Variants in EPHA3 observed in about 807,000 individuals in gnomAD.
EPHA3 encodes the protein ephrin type-A receptor 3.
EPHA3 carries 42 observed loss-of-function variants against 107.1 expected under a neutral mutation model. The ratio of observed to expected loss-of-function variants is 0.39; its 90% confidence interval spans 0.31 to 0.51. The LOEUF is 0.51. Among genes scored for constraint, EPHA3 ranks in the 20% least tolerant of loss-of-function variants. The pLI, the probability that EPHA3 is intolerant of heterozygous loss-of-function variation, is 0.78. For synonymous variants in EPHA3, 461 were observed against 424.8 expected (o/e 1.09, Z -1.05); for missense variants, 1,183 against 1,211.2 (o/e 0.98, Z 0.35).
intron 3 of EPHA3, among the ~76,000 whole-genome samples, chr3:89,300,206 G>A (rs2107344406): frequency 6.6e-6 from 1 of 151,674 alleles, no homozygotes; most frequent in East Asian, 1.9e-4. Context: ...TTACACAATG[G>A]ATTATTATTT....
chr3:89,268,683 AT>A (rs1705593059), intron 3 of EPHA3, among the ~76,000 whole-genome samples: 1 of 151,996 alleles, frequency 6.6e-6, no homozygotes, highest in African/African-American at 2.4e-5. Flanking sequence ...TTAACTGCTG[AT>A]TTTTTAGGAA....
chr3:89,204,497 CA>C (rs1706052048), intron 2 of EPHA3, among the ~76,000 whole-genome samples: 1 of 117,692 alleles, frequency 8.5e-6, no homozygotes, highest in African/African-American at 2.6e-5. Flanking sequence ...CACACACACA[CA>C]CACACACACC....
chr3:89,123,324 G>A (rs1707432143), intron 1 of EPHA3, among the ~76,000 whole-genome samples: 1 of 152,050 alleles, frequency 6.6e-6, no homozygotes, highest in Non-Finnish European at 1.5e-5. Flanking sequence ...TGTATTTTTA[G>A]TAGAGATGAG....
intron 5 of EPHA3, among the ~76,000 whole-genome samples, chr3:89,388,246 A>C (rs573120202): frequency 6.6e-6 from 1 of 152,292 alleles, no homozygotes; most frequent in African/African-American, 2.4e-5. Flanking sequence ...ACTTTATTCC[A>C]AGGCTAACCA....
intron 3 of EPHA3, among the ~76,000 whole-genome samples, chr3:89,335,014 G>A (rs552665525): frequency 1.3e-5 from 2 of 152,306 alleles, no homozygotes; most frequent in South Asian, 4.1e-4. Context: ...TCTCAGGTGA[G>A]AAGATCCATT....
At chr3:89,392,693 C>T (rs1422513130) in intron 5 of EPHA3, among the ~76,000 whole-genome samples, 1 of 151,830 alleles carries the variant, frequency 6.6e-6, no homozygotes, top group Non-Finnish European at 1.5e-5. Flanking sequence ...ATACAGTGTA[C>T]ACTGCAATAT....
intron 3 of EPHA3, among the ~76,000 whole-genome samples, chr3:89,302,864 A>G (rs1706524001): frequency 6.6e-6 from 1 of 152,078 alleles, no homozygotes; most frequent in Non-Finnish European, 1.5e-5. Flanking sequence ...GCATAGTAAC[A>G]TAGTAACACT....
chr3:89,139,214 G>T (rs1020069259), intron 2 of EPHA3, among the ~76,000 whole-genome samples: 2 of 151,822 alleles, frequency 1.3e-5, no homozygotes, highest in African/African-American at 4.8e-5. Flanking sequence ...TGTTTTAAAA[G>T]AATTTTAACC....
chr3:89,213,978 A>G (rs535429305), intron 3 of EPHA3, among the ~76,000 whole-genome samples: 1 of 152,144 alleles, frequency 6.6e-6, no homozygotes, highest in East Asian at 1.9e-4. Context: ...GATAAGTAAT[A>G]AGATAAATAA....
intron 3 of EPHA3, among the ~76,000 whole-genome samples, chr3:89,287,593 G>T (rs1706118827): frequency 6.6e-6 from 1 of 152,156 alleles, no homozygotes; most frequent in Admixed American, 6.6e-5. Flanking sequence ...ATACAGGCAA[G>T]AAGTTAATTA....
At chr3:89,264,483 C>T (rs759143638) in intron 3 of EPHA3, among the ~76,000 whole-genome samples, 31 of 152,234 alleles carry the variant, frequency 2.0e-4, no homozygotes, top group Non-Finnish European at 4.0e-4. Context: ...TCAGTGAAAT[C>T]GTACTCATTT....
At chr3:89,234,171 A>T (rs972350790) in intron 3 of EPHA3, among the ~76,000 whole-genome samples, 1 of 152,224 alleles carries the variant, frequency 6.6e-6, no homozygotes, top group Non-Finnish European at 1.5e-5. Context: ...GATCAATTTA[A>T]TTATACAGAG....
intron 3 of EPHA3, among the ~76,000 whole-genome samples, chr3:89,251,061 T>C (rs1252526596): frequency 1.3e-5 from 2 of 152,310 alleles, no homozygotes; most frequent in East Asian, 3.9e-4. Flanking sequence ...GGTTTAGCCT[T>C]AGATCAAAGC....
At chr3:89,129,494 T>C (rs1704157131) in intron 2 of EPHA3, among the ~76,000 whole-genome samples, 1 of 152,058 alleles carries the variant, frequency 6.6e-6, no homozygotes, top group African/African-American at 2.4e-5. Flanking sequence ...TGTGAATTAT[T>C]GTTCTGTGGT....
intron 2 of EPHA3, among the ~76,000 whole-genome samples, chr3:89,129,215 CA>C (rs1704150495): frequency 6.6e-6 from 1 of 152,292 alleles, no homozygotes; most frequent in South Asian, 2.1e-4. Context: ...ATAACTTCCA[CA>C]GTCAAAAGTT....
At chr3:89,460,547 C>A (rs940200978) in intron 15 of EPHA3, among the ~76,000 whole-genome samples, 7 of 149,844 alleles carry the variant, frequency 4.7e-5, no homozygotes, top group Non-Finnish European at 1.0e-4. Context: ...CTCATATTTT[C>A]CCCAGTTAAT....
chr3:89,325,617 C>T (rs1707147644), intron 3 of EPHA3, among the ~76,000 whole-genome samples: 1 of 152,108 alleles, frequency 6.6e-6, no homozygotes, highest in Admixed American at 6.6e-5. Flanking sequence ...ATTTACTCTC[C>T]AGTTCTTTCC....
intron 2 of EPHA3, among the ~76,000 whole-genome samples, chr3:89,154,990 A>T (rs1289238454): frequency 6.6e-6 from 1 of 150,694 alleles, no homozygotes; most frequent in Admixed American, 6.6e-5. Flanking sequence ...ACTTTTTAAA[A>T]TTTTTTCAAA....
rs1459338716 is a variant in EPHA3 at position 89,481,859 on chromosome 3, T to C, written c.*2357T>C. ...AAGCCACAACTCCTACATGATGTTATGTACCATATGATCTGTTTTGTATCT... is the reference window on the plus strand; with the variant it reads ...AAGCCACAACTCCTACATGATGTTACGTACCATATGATCTGTTTTGTATCT... On this transcript the variant is annotated 3_prime_UTR_variant, in exon 17 of 17. Transcript: ENST00000336596. The C allele has an allele frequency of 4.3e-6, 1 of 231,206 alleles. No individual in the cohort carries two copies. The highest frequency in any genetic ancestry group is 5.6e-5 in the Admixed American group (1 of 17,710). The allele number at this position is 231,206 out of a possible 1,614,324, so 14.3% of individuals were successfully genotyped here. A position where few individuals can be genotyped will look rare whatever the true frequency, so the allele number is the denominator to read the frequency against.
Sources: gnomAD v4.1 joint callset for allele counts (sites outside exome capture counted in the v4.1 genomes callset) on GRCh38, gnomAD v4.1.1 for gene constraint, MANE v1.5 for transcripts, NCBI Gene and HGNC (gene_info 2026-07-23, HGNC 2026-07-21) for gene names.